Variants in CNTN5 observed in about 807,000 individuals in gnomAD.
CNTN5 encodes the protein contactin 5.
Under a neutral mutation model 129.1 loss-of-function variants are expected in CNTN5, and 77 were observed. The ratio of observed to expected loss-of-function variants is 0.60; its 90% confidence interval spans 0.50 to 0.72. The LOEUF (loss-of-function observed/expected upper bound fraction) is 0.72, where lower values mean the gene tolerates loss of function less well. Ranked by LOEUF, CNTN5 falls within the 30% of genes least tolerant of loss-of-function variation. The pLI is 0.00. For synonymous variants in CNTN5, 509 were observed against 465.6 expected, an observed-to-expected ratio of 1.09 and a Z score of -1.20; for missense variants, 1,478 against 1,328.8, an observed-to-expected ratio of 1.11 and a Z score of -1.75.
At chr11:100,349,701 T>C (rs993811012) in intron 23 of CNTN5, among the ~76,000 whole-genome samples, 3 of 151,824 alleles carry the variant, frequency 2.0e-5, no homozygotes, top group Admixed American at 6.6e-5. Flanking sequence ...ATACCAATTA[T>C]GAAAAAGCAC....
intron 6 of CNTN5, among the ~76,000 whole-genome samples, chr11:99,894,198 C>T (rs1949138389): frequency 6.6e-6 from 1 of 152,122 alleles, no homozygotes; most frequent in South Asian, 2.1e-4. Flanking sequence ...GCATAGTTCA[C>T]ATTTCAACCT....
intron 1 of CNTN5, among the ~76,000 whole-genome samples, chr11:99,133,285 C>T (rs913109696): frequency 4.6e-5 from 7 of 151,874 alleles, no homozygotes; most frequent in Non-Finnish European, 7.4e-5. Context: ...AAATGTAAAA[C>T]CAAAGCCATT....
Position 100,156,450 on chromosome 11 carries a change from G to A in CNTN5, c.1581-34676G>A, listed in dbSNP as rs149649755. On this transcript the variant is annotated intron_variant, in intron 13 of 24. Transcript: ENST00000524871. ...CACATCGACGTTCATCAGGGATATC[G>A]GCCTGAAATTATCTTTTTTTGTTGT... is the stretch of plus-strand genomic sequence containing the variant. Among the ~76,000 whole-genome samples the A allele has an allele frequency of 8.5e-3, 1,287 of 152,102 alleles. 16 individuals carry two copies. Among genetic ancestry groups the A allele is most frequent in the African/African-American group, 0.029 (1,200 of 41,506 alleles).
intron 18 of CNTN5, among the ~76,000 whole-genome samples, chr11:100,282,453 T>C (rs1950660849): frequency 6.6e-6 from 1 of 152,300 alleles, no homozygotes; most frequent in East Asian, 1.9e-4. Flanking sequence ...GTCTCTCTGT[T>C]CTGAGCCACC....
intron 1 of CNTN5, among the ~76,000 whole-genome samples, chr11:99,053,670 T>G (rs1347037757): frequency 6.6e-6 from 1 of 151,908 alleles, no homozygotes; most frequent in African/African-American, 2.4e-5. Context: ...AGTTTCTGAA[T>G]GGTCACAATA....
intron 2 of CNTN5, among the ~76,000 whole-genome samples, chr11:99,552,848 G>T (rs890484147): frequency 1.3e-5 from 2 of 152,004 alleles, no homozygotes; most frequent in African/African-American, 4.8e-5. Flanking sequence ...CTCTTAATTT[G>T]CAGATGTATG....
At chr11:99,100,575 T>G (rs1024089019) in intron 1 of CNTN5, among the ~76,000 whole-genome samples, 4 of 152,178 alleles carry the variant, frequency 2.6e-5, no homozygotes, top group African/African-American at 9.6e-5. Flanking sequence ...AGTAATCTAT[T>G]AAGCTTTAAC....
At chr11:99,191,028 A>G (rs1274417419) in intron 1 of CNTN5, among the ~76,000 whole-genome samples, 1 of 151,344 alleles carries the variant, frequency 6.6e-6, no homozygotes, top group Non-Finnish European at 1.5e-5. Flanking sequence ...TCTAAATCTA[A>G]TGTTTAAGGG....
chr11:99,772,982 A>G (rs991720088), intron 3 of CNTN5, among the ~76,000 whole-genome samples: 1 of 152,226 alleles, frequency 6.6e-6, no homozygotes, highest in East Asian at 1.9e-4. Flanking sequence ...ACATAGAGGT[A>G]TAATATACAC....
At chr11:99,490,262 G>A (rs1294208617) in intron 2 of CNTN5, among the ~76,000 whole-genome samples, 2 of 152,126 alleles carry the variant, frequency 1.3e-5, no homozygotes, top group African/African-American at 2.4e-5. Context: ...ACCAACTCAA[G>A]AAGCATAATT....
intron 3 of CNTN5, among the ~76,000 whole-genome samples, chr11:99,806,923 A>G (rs1219576175): frequency 6.6e-6 from 1 of 152,122 alleles, no homozygotes; most frequent in African/African-American, 2.4e-5. Flanking sequence ...TTTTCTTCAG[A>G]GTATGCTATT....
intron 18 of CNTN5, among the ~76,000 whole-genome samples, chr11:100,297,349 A>C (rs368806932): frequency 6.6e-6 from 1 of 151,574 alleles, no homozygotes; most frequent in African/African-American, 2.4e-5. Context: ...CCTAATCATT[A>C]TTAGATGTTC....
chr11:100,288,107 G>A (rs565072255), intron 18 of CNTN5, among the ~76,000 whole-genome samples: 2 of 152,168 alleles, frequency 1.3e-5, no homozygotes, highest in South Asian at 4.2e-4. Flanking sequence ...GATTCATAAA[G>A]CAAGTGCTTA....
At chr11:99,084,840 T>A (rs1215728369) in intron 1 of CNTN5, among the ~76,000 whole-genome samples, 2 of 152,202 alleles carry the variant, frequency 1.3e-5, no homozygotes, top group Non-Finnish European at 2.9e-5. Context: ...TGCCAAAATA[T>A]TTTCAAATTT....
chr11:99,695,744 G>T (rs549095045), intron 3 of CNTN5, among the ~76,000 whole-genome samples: 1 of 151,700 alleles, frequency 6.6e-6, no homozygotes, highest in Admixed American at 6.6e-5. Context: ...TAAATAGAAA[G>T]AAAGCGAAAA....
chr11:99,840,852 T>C (rs1409082953), intron 4 of CNTN5, among the ~76,000 whole-genome samples: 1 of 152,136 alleles, frequency 6.6e-6, no homozygotes, highest in Non-Finnish European at 1.5e-5. Context: ...AGAATGTAAG[T>C]ATATGGATTT....
chr11:99,179,017 A>T (rs995563646), intron 1 of CNTN5, among the ~76,000 whole-genome samples: 1 of 152,226 alleles, frequency 6.6e-6, no homozygotes, highest in Non-Finnish European at 1.5e-5. Context: ...ATACAAATGT[A>T]TTTACATTCC....
chr11:99,816,727 A>G (rs1464985574), intron 3 of CNTN5, among the ~76,000 whole-genome samples: 1 of 152,104 alleles, frequency 6.6e-6, no homozygotes, highest in Non-Finnish European at 1.5e-5. Flanking sequence ...TCTCCTTTCA[A>G]AGCTGTACCA....
intron 2 of CNTN5, among the ~76,000 whole-genome samples, chr11:99,421,297 G>A (rs536933688): frequency 6.6e-6 from 1 of 152,086 alleles, no homozygotes; most frequent in Non-Finnish European, 1.5e-5. Flanking sequence ...ATATATAGAA[G>A]ATAACTTCTA....
Sources: allele counts gnomAD v4.1 joint callset (sites outside exome capture counted in the v4.1 genomes callset), GRCh38; gene constraint gnomAD v4.1.1; transcripts MANE v1.5; gene names NCBI Gene and HGNC (gene_info 2026-07-23, HGNC 2026-07-21).